Variants in STAU2 observed in about 807,000 individuals in gnomAD.
STAU2 encodes staufen double-stranded RNA binding protein 2, also known as double-stranded RNA-binding protein Staufen homolog 2.
A neutral mutation model predicts 65.9 loss-of-function variants in STAU2; 20 were observed. The ratio of observed to expected loss-of-function variants is 0.30; its 90% CI spans 0.21 to 0.44. The LOEUF is 0.44. Ranked by LOEUF, STAU2 falls within the 20% of genes least tolerant of loss-of-function variation. STAU2 has a pLI of 1.00. For missense variants in STAU2, 558 were observed against 683.9 expected (o/e 0.82, Z 2.05); for synonymous variants, 232 against 233.9 (o/e 0.99, Z 0.07).
chr8:73,674,727 A>T (rs1183862805), intron 5 of STAU2, among the ~76,000 whole-genome samples: 1 of 150,380 alleles, frequency 6.6e-6, no homozygotes, highest in Non-Finnish European at 1.5e-5. Context: ...AATATACATA[A>T]AATAGACTAA....
chr8:73,596,068 C>T (rs181002874), intron 10 of STAU2, among the ~76,000 whole-genome samples: 5 of 151,360 alleles, frequency 3.3e-5, no homozygotes, highest in Admixed American at 6.6e-5. Context: ...GCCACGATTG[C>T]GCCACTGCAC....
chr8:73,440,242 C>T (rs972418026), intron 13 of STAU2: 5 of 152,314 alleles, frequency 3.3e-5, no homozygotes, highest in African/African-American at 7.2e-5. Context: ...TCACTGAGGC[C>T]GATGGCTTAA....
chr8:73,739,655 C>T, intron 2 of STAU2, 101 bp downstream of exon 2: 1 of 993,052 alleles, frequency 1.0e-6, no homozygotes, highest in Non-Finnish European at 1.3e-6. Flanking sequence ...TATTTATTTT[C>T]TAATTACTGT....
chr8:73,481,508 C>A (rs13278894), intron 13 of STAU2, among the ~76,000 whole-genome samples: 17,502 of 75,700 alleles, frequency 0.23, 1,623 homozygotes, highest in East Asian at 0.6. Context: ...GCCAAAAAAA[C>A]AAAAAAACAA....
chr8:73,473,373 CG>C (rs1272738176), intron 13 of STAU2, among the ~76,000 whole-genome samples: 2 of 152,104 alleles, frequency 1.3e-5, no homozygotes, highest in Non-Finnish European at 2.9e-5. Context: ...ATAGGTAAGT[CG>C]AATGATAGAA....
intron 6 of STAU2, among the ~76,000 whole-genome samples, chr8:73,617,723 G>A (rs1463387055): frequency 6.6e-6 from 1 of 152,120 alleles, no homozygotes; most frequent in Non-Finnish European, 1.5e-5. Context: ...GATACTTCCT[G>A]GTGAGAAGTT....
chr8:73,731,941 A>G (rs1395961581), intron 3 of STAU2, among the ~76,000 whole-genome samples: 2 of 152,180 alleles, frequency 1.3e-5, no homozygotes, highest in Non-Finnish European at 1.5e-5. Context: ...TTCAACTCAA[A>G]AAAAGCTAAA....
intron 12 of STAU2, among the ~76,000 whole-genome samples, chr8:73,556,258 C>T (rs1235436826): frequency 1.3e-5 from 2 of 152,008 alleles, no homozygotes; most frequent in Non-Finnish European, 2.9e-5. Context: ...CAATTATAAA[C>T]ACAGTGATGA....
intron 6 of STAU2, chr8:73,652,566 A>G (rs1815980757): frequency 6.6e-6 from 1 of 151,976 alleles, no homozygotes; most frequent in South Asian, 2.1e-4. Flanking sequence ...AAAAAAAATT[A>G]GCCAGGCGTG....
At chr8:73,490,552 T>C (rs539486300) in intron 13 of STAU2, among the ~76,000 whole-genome samples, 5 of 152,166 alleles carry the variant, frequency 3.3e-5, no homozygotes, top group Admixed American at 6.6e-5. Context: ...GTAGCAGTTC[T>C]CATGTTTTAA....
chr8:73,584,151 C>CAGTATGTT (rs1418529181), intron 11 of STAU2, among the ~76,000 whole-genome samples: 1 of 152,104 alleles, frequency 6.6e-6, no homozygotes, highest in African/African-American at 2.4e-5. Context: ...AGTAAGTTGA[C>CAGTATGTT]AGTATGTTAG....
chr8:73,482,968 T>C (rs937004094), intron 13 of STAU2, among the ~76,000 whole-genome samples: 1 of 152,158 alleles, frequency 6.6e-6, no homozygotes, highest in Non-Finnish European at 1.5e-5. Flanking sequence ...ATATCTCTTA[T>C]AATTTCCTTG....
At chr8:73,715,972 T>C (rs1821221060) in intron 3 of STAU2, among the ~76,000 whole-genome samples, 1 of 152,130 alleles carries the variant, frequency 6.6e-6, no homozygotes, top group South Asian at 2.1e-4. Flanking sequence ...TACAGTGCAG[T>C]GGCGCAATCT....
At chr8:73,654,663 A>AAAAAAAAAAC (rs1280392351) in intron 6 of STAU2, among the ~76,000 whole-genome samples, 1 of 135,562 alleles carries the variant, frequency 7.4e-6, no homozygotes, top group African/African-American at 2.6e-5. Context: ...AAAAAAAAAG[A>AAAAAAAAAAC]ACTCTTTTAA....
At chr8:73,683,186 C>T (rs1422216553) in intron 5 of STAU2, among the ~76,000 whole-genome samples, 1 of 152,106 alleles carries the variant, frequency 6.6e-6, no homozygotes, top group African/African-American at 2.4e-5. Flanking sequence ...ACCAATATCC[C>T]TGATGAACAT....
chr8:73,621,422 C>T (rs1345950564), intron 6 of STAU2, among the ~76,000 whole-genome samples: 3 of 152,160 alleles, frequency 2.0e-5, no homozygotes, highest in East Asian at 3.8e-4. Context: ...CCAGTTCAGT[C>T]TCGGGTATTT....
chr8:73,483,339 T>C (rs1258167184), intron 13 of STAU2, among the ~76,000 whole-genome samples: 2 of 152,128 alleles, frequency 1.3e-5, no homozygotes, highest in Non-Finnish European at 1.5e-5. Flanking sequence ...TGAGCAATCA[T>C]TGACTTGGTT....
chr8:73,658,407 T>G (rs1816553389), intron 6 of STAU2, among the ~76,000 whole-genome samples: 1 of 152,084 alleles, frequency 6.6e-6, no homozygotes. Flanking sequence ...TCACCACCAT[T>G]TATCACAATG....
At chr8:73,634,784 G>T (rs538195459) in intron 6 of STAU2, among the ~76,000 whole-genome samples, 1 of 152,108 alleles carries the variant, frequency 6.6e-6, no homozygotes, top group East Asian at 1.9e-4. Context: ...CATCCTCAAG[G>T]CTCACTCTCT....
Sources: allele counts gnomAD v4.1 joint callset (sites outside exome capture counted in the v4.1 genomes callset), GRCh38; gene constraint gnomAD v4.1.1; transcripts MANE v1.5; gene names NCBI Gene and HGNC (gene_info 2026-07-23, HGNC 2026-07-21).